LENEP: variants seen among roughly 807,000 people sequenced by gnomAD.
LENEP encodes lens epithelial protein.
A neutral mutation model predicts 4.1 loss-of-function variants in LENEP; 2 were observed. The ratio of observed to expected loss-of-function variants is 0.49; its 90% confidence interval spans 0.20 to 1.53. The LOEUF (loss-of-function observed/expected upper bound fraction) is 1.53. LENEP is among the 40% of genes most tolerant of loss of function. The pLI, the probability that LENEP is intolerant of heterozygous loss-of-function variation, is 0.23. For synonymous variants in LENEP, 30 were observed against 33.3 expected (o/e 0.90, Z 0.34); for missense variants, 63 against 77.0 (o/e 0.82, Z 0.68).
chr1:154,993,924 C>T lies in LENEP; in HGVS notation c.*131C>T. The stretch of plus-strand genomic sequence containing the variant: ...GCTTGCCTTAGCTTCTCATTCTCTT[C>T]TTTAGCCCCCAGCCCAATTGCCATC... On this transcript the variant is annotated 3_prime_UTR_variant, in exon 1 of 1. Coordinates refer to ENST00000392487, the MANE Select transcript of LENEP (RefSeq NM_001394530.1). The T allele has an allele frequency of 1.1e-6, 1 of 881,232 alleles. No homozygotes were observed. The highest frequency in any genetic ancestry group is 1.7e-6 in the Non-Finnish European group (1 of 580,418). The allele number at this position is 881,232 out of a possible 1,614,324, so 54.6% of individuals were successfully genotyped here.
In LENEP at chr1:154,993,861, G is replaced by A. The variant is rs536525031; in HGVS notation, c.*68G>A. The A allele has an allele frequency of 1.5e-5, 21 of 1,433,204 alleles. No individual in the cohort carries two copies. Among genetic ancestry groups the A allele is most frequent in the Non-Finnish European group, 2.0e-5 (21 of 1,041,958 alleles). 88.8% of individuals were successfully genotyped at this position (1,433,204 alleles called of 1,614,324 possible). Reference sequence around the variant, plus strand: ...TGGCATCGCTCAGGTGGGCAGGGTAGAGTAAACAGGAGGCATAGCTGCAGC... The same window carrying A: ...TGGCATCGCTCAGGTGGGCAGGGTAAAGTAAACAGGAGGCATAGCTGCAGC... On this transcript the variant is annotated 3_prime_UTR_variant, in exon 1 of 1. Transcript: ENST00000392487.
In LENEP at chr1:154,993,675, C is replaced by T. The variant is rs1427019980; in HGVS notation, c.68C>T (p.Thr23Ile). 2 of 1,613,448 alleles carry T rather than the reference C, an allele frequency of 1.2e-6. No individual in the cohort carries two copies. The highest frequency in any genetic ancestry group is 1.1e-5 in the South Asian group (1 of 91,068). The change falls in exon 1 of 1, where the codon ACT (threonine) becomes ATT (isoleucine). Residue 23 changes from threonine to isoleucine, a missense_variant. Transcript: ENST00000392487. ...PFFLGGAPRD[T>I]GLRVPVIKMG... ...TTCCTCGGAGGGGCCCCTCGAGACACTGGGCTGCGGGTGCCTGTCATTAAG... is the reference window on the plus strand; with the variant it reads ...TTCCTCGGAGGGGCCCCTCGAGACATTGGGCTGCGGGTGCCTGTCATTAAG...
Position 154,994,281 on chromosome 1 carries a change from T to C in LENEP, c.*488T>C. The C allele has an allele frequency of 5.8e-6, 1 of 171,294 alleles. No homozygotes were observed. The highest frequency in any genetic ancestry group is 1.3e-4 in the South Asian group (1 of 7,446). 10.6% of individuals were successfully genotyped at this position (171,294 alleles called of 1,614,324 possible). A position where few individuals can be genotyped will look rare whatever the true frequency, so the allele number is the denominator to read the frequency against. ...AACCTGTTTGAGAATCACTGAATTATAAATATAATCCATAGGCCTTGAGGC... is the reference window on the plus strand; with the variant it reads ...AACCTGTTTGAGAATCACTGAATTACAAATATAATCCATAGGCCTTGAGGC... On this transcript the variant is annotated 3_prime_UTR_variant, in exon 1 of 1. Transcript: ENST00000392487.
chr1:154,993,954 C>G lies in LENEP; in HGVS notation c.*161C>G. The G allele has an allele frequency of 3.0e-6, 2 of 657,040 alleles. No individual in the cohort carries two copies. The highest frequency in any genetic ancestry group is 5.1e-6 in the Non-Finnish European group (2 of 391,870). 40.7% of individuals were successfully genotyped at this position (657,040 alleles called of 1,614,324 possible). A position where few individuals can be genotyped will look rare whatever the true frequency, so the allele number is the denominator to read the frequency against. Reference sequence around the variant, plus strand: ...GCCCCCAGCCCAATTGCCATCAAGACTCCTGAAGCCAGCTGTGCTTGACCA... The same window carrying G: ...GCCCCCAGCCCAATTGCCATCAAGAGTCCTGAAGCCAGCTGTGCTTGACCA... On this transcript the variant is annotated 3_prime_UTR_variant, in exon 1 of 1. Transcript: ENST00000392487.
rs1410833449 is a variant in LENEP at position 154,993,784 on chromosome 1, G to A, written c.177G>A (p.Leu59=). 6.8e-6 allele frequency: 11 copies of A among 1,611,792 alleles called. No individual in the cohort carries two copies. In the Admixed American group the frequency reaches 1.8e-4, roughly 27 times the overall value. ...TCTGCTGCTGGTGTATCAAGGAACT[G>A]CTGGATTAATGGTAGCAGGGAACTG... ...ILLCCWCIKE[L]LD The change falls in exon 1 of 1, where the codon CTG becomes CTA. Residue 59 remains leucine, a synonymous_variant. Transcript: ENST00000392487.
chr1:154,993,695 A>C lies in LENEP; in HGVS notation c.88A>C (p.Ile30Leu), dbSNP rs193269046. ...AGACACTGGGCTGCGGGTGCCTGTCATTAAGATGGGCACAGGGTGGGAGGG... is the reference window on the plus strand; with the variant it reads ...AGACACTGGGCTGCGGGTGCCTGTCCTTAAGATGGGCACAGGGTGGGAGGG... ...PRDTGLRVPVIKMGTGWEGFQ... is the reference protein window; with the variant it reads ...PRDTGLRVPVLKMGTGWEGFQ... The change falls in exon 1 of 1, where the codon ATT (isoleucine) becomes CTT (leucine). Residue 30 changes from isoleucine (I) to leucine (L), a missense_variant. Physicochemically the swap from Ile to Leu is conservative, Grantham distance 5 (BLOSUM62 2). Transcript: ENST00000392487. 26 of 1,613,118 alleles carry C rather than the reference A, an allele frequency of 1.6e-5. No homozygotes were observed. In the African/African-American group the frequency reaches 3.3e-4, roughly 21 times the overall value.
chr1:154,993,774 T>C lies in LENEP; in HGVS notation c.167T>C (p.Ile56Thr). ...VAYILLCCWC[I>T]KELLD is the part of the protein sequence containing the mutation. ...TACATCCTCCTCTGCTGCTGGTGTA[T>C]CAAGGAACTGCTGGATTAATGGTAG... The change falls in exon 1 of 1, where the codon ATC (isoleucine) becomes ACC (threonine). Residue 56 changes from isoleucine to threonine, a missense_variant. Ile to Thr is a moderately conservative substitution (Grantham distance 89). Transcript: ENST00000392487. The C allele has an allele frequency of 6.2e-7, 1 of 1,612,732 alleles. No homozygotes were observed. The highest frequency in any genetic ancestry group is 2.2e-5 in the East Asian group (1 of 44,714).
Position 154,993,999 on chromosome 1 carries a change from G to A in LENEP, c.*206G>A. The stretch of plus-strand genomic sequence containing the variant: ...TGACCAAGGATGGGCCATAAACAAT[G>A]AGTAAACAGTAAAGTGTGGATCCTG... On this transcript the variant is annotated 3_prime_UTR_variant, in exon 1 of 1. Transcript: ENST00000392487. The A allele has an allele frequency of 3.5e-6, 2 of 566,410 alleles. No individual in the cohort carries two copies. The highest frequency in any genetic ancestry group is 3.2e-5 in the East Asian group (1 of 31,542). The allele number at this position is 566,410 out of a possible 1,614,324, so 35.1% of individuals were successfully genotyped here.
At position 154,993,658 on chromosome 1, in the gene LENEP, AG is replaced by A; in HGVS notation, c.55del (p.Ala19ProfsTer25). The A allele has an allele frequency of 1.2e-6, 2 of 1,613,304 alleles. No individual in the cohort carries two copies. Among genetic ancestry groups the A allele is most frequent in the Non-Finnish European group, 1.7e-6 (2 of 1,179,696 alleles). ...CCCAAACCCTACCCTTCTTCCTCGG[AG>A]GGGCCCCTCGAGACACTGGGCTGCG... ...LAQTLPFFLG[G>X]APRDTGLRVP... On this transcript the variant is annotated frameshift_variant, in exon 1 of 1. Coordinates refer to ENST00000392487, the MANE Select transcript of LENEP (RefSeq NM_001394530.1). LOFTEE classifies it high-confidence loss of function.
rs757794813 is a variant in LENEP, at chr1:154,993,746, G to A, written c.139G>A (p.Ala47Thr). Reference sequence around the variant, plus strand: ...CTTCCAGCGGACCCTGAAGGAAGTCGCCTACATCCTCCTCTGCTGCTGGTG... The same window carrying A: ...CTTCCAGCGGACCCTGAAGGAAGTCACCTACATCCTCCTCTGCTGCTGGTG... ...EGFQRTLKEV[A>T]YILLCCWCIK... The change falls in exon 1 of 1, where the codon GCC (alanine) becomes ACC (threonine). Residue 47 changes from alanine (A) to threonine (T), a missense_variant. Transcript: ENST00000392487. 2.3e-5 allele frequency: 37 copies of A among 1,613,522 alleles called. No individual in the cohort carries two copies. In the Admixed American group the frequency reaches 3.5e-4, roughly 15 times the overall value.
Position 154,993,838 on chromosome 1 carries a change from G to C in LENEP, c.*45G>C. The C allele has an allele frequency of 6.3e-7, 1 of 1,586,610 alleles. No homozygotes were observed. ...CCTCTCCCCACCAGCACCATGGCTG[G>C]CATCGCTCAGGTGGGCAGGGTAGAG... On this transcript the variant is annotated 3_prime_UTR_variant, in exon 1 of 1. Coordinates refer to ENST00000392487, the MANE Select transcript of LENEP (RefSeq NM_001394530.1).
chr1:154,993,800 C>G lies in LENEP; in HGVS notation c.*7C>G. On this transcript the variant is annotated 3_prime_UTR_variant, in exon 1 of 1. Coordinates refer to ENST00000392487, the MANE Select transcript of LENEP (RefSeq NM_001394530.1). Reference sequence around the variant, plus strand: ...CAAGGAACTGCTGGATTAATGGTAGCAGGGAACTGCCTCCTCTCCCCACCA... The same window carrying G: ...CAAGGAACTGCTGGATTAATGGTAGGAGGGAACTGCCTCCTCTCCCCACCA... 6.2e-7 allele frequency: 1 copy of G among 1,610,616 alleles called. No homozygotes were observed. Among genetic ancestry groups the G allele is most frequent in the Non-Finnish European group, 8.5e-7 (1 of 1,178,302 alleles).
rs920013288 is a variant in LENEP, at chr1:154,993,829, C to G, written c.*36C>G. ...GAACTGCCTCCTCTCCCCACCAGCA[C>G]CATGGCTGGCATCGCTCAGGTGGGC... On this transcript the variant is annotated 3_prime_UTR_variant, in exon 1 of 1. Transcript: ENST00000392487. 1 of 1,590,758 alleles carries G rather than the reference C, an allele frequency of 6.3e-7. No individual in the cohort carries two copies. The highest frequency in any genetic ancestry group is 2.3e-5 in the East Asian group (1 of 44,072).
Position 154,994,205 on chromosome 1 carries a change from G to T in LENEP, c.*412G>T, listed in dbSNP as rs538863113. On this transcript the variant is annotated 3_prime_UTR_variant, in exon 1 of 1. Transcript: ENST00000392487. ...GCACAGTGAGCCCACCAGCTCAGAT[G>T]GTTGATCTTACCATACCCTCATAGT... 4.5e-6 allele frequency: 1 copy of T among 223,834 alleles called. No individual in the cohort carries two copies. The highest frequency in any genetic ancestry group is 5.7e-5 in the South Asian group (1 of 17,582). 13.9% of individuals were successfully genotyped at this position (223,834 alleles called of 1,614,324 possible).
At position 154,993,975 on chromosome 1, in the gene LENEP, G is replaced by A; in HGVS notation, c.*182G>A. ...AAGACTCCTGAAGCCAGCTGTGCTT[G>A]ACCAAGGATGGGCCATAAACAATGA... On this transcript the variant is annotated 3_prime_UTR_variant, in exon 1 of 1. Transcript: ENST00000392487. The A allele has an allele frequency of 1.7e-6, 1 of 603,034 alleles. No individual in the cohort carries two copies. The highest frequency in any genetic ancestry group is 2.9e-6 in the Non-Finnish European group (1 of 348,776). The allele number at this position is 603,034 out of a possible 1,614,324, so 37.4% of individuals were successfully genotyped here.
At position 154,993,983 on chromosome 1, in the gene LENEP, A is replaced by T; in HGVS notation, c.*190A>T. On this transcript the variant is annotated 3_prime_UTR_variant, in exon 1 of 1. Transcript: ENST00000392487. ...TGAAGCCAGCTGTGCTTGACCAAGG[A>T]TGGGCCATAAACAATGAGTAAACAG... 1.7e-6 allele frequency: 1 copy of T among 592,304 alleles called. No individual in the cohort carries two copies. Among genetic ancestry groups the T allele is most frequent in the Admixed American group, 3.3e-5 (1 of 30,744 alleles). 36.7% of individuals were successfully genotyped at this position (592,304 alleles called of 1,614,324 possible).
chr1:154,994,191 C>A lies in LENEP; in HGVS notation c.*398C>A. On this transcript the variant is annotated 3_prime_UTR_variant, in exon 1 of 1. Transcript: ENST00000392487. ...CTCCTCCAAGCTTGGCACAGTGAGC[C>A]CACCAGCTCAGATGGTTGATCTTAC... 2.1e-5 allele frequency: 5 copies of A among 234,582 alleles called. No homozygotes were observed. The highest frequency in any genetic ancestry group is 3.3e-5 in the Non-Finnish European group (4 of 120,050). 14.5% of individuals were successfully genotyped at this position (234,582 alleles called of 1,614,324 possible).
In LENEP at chr1:154,993,840, A is replaced by G; in HGVS notation, c.*47A>G. 1 of 1,576,416 alleles carries G rather than the reference A, an allele frequency of 6.3e-7. No individual in the cohort carries two copies. The highest frequency in any genetic ancestry group is 8.7e-7 in the Non-Finnish European group (1 of 1,152,840). On this transcript the variant is annotated 3_prime_UTR_variant, in exon 1 of 1. Transcript: ENST00000392487. ...TCTCCCCACCAGCACCATGGCTGGC[A>G]TCGCTCAGGTGGGCAGGGTAGAGTA...
In LENEP at chr1:154,993,851, G is replaced by A; in HGVS notation, c.*58G>A. On this transcript the variant is annotated 3_prime_UTR_variant, in exon 1 of 1. Coordinates refer to ENST00000392487, the MANE Select transcript of LENEP (RefSeq NM_001394530.1). ...GCACCATGGCTGGCATCGCTCAGGT[G>A]GGCAGGGTAGAGTAAACAGGAGGCA... 1 of 1,546,496 alleles carries A rather than the reference G, an allele frequency of 6.5e-7. No homozygotes were observed. Among genetic ancestry groups the A allele is most frequent in the Non-Finnish European group, 8.8e-7 (1 of 1,133,100 alleles).
Sources: gnomAD v4.1 joint callset for allele counts on GRCh38, gnomAD v4.1.1 for gene constraint, MANE v1.5 for transcripts, NCBI Gene and HGNC (gene_info 2026-07-23, HGNC 2026-07-21) for gene names.